The following GOLIM4 variants were observed in gnomAD, a reference collection of about 807,000 sequenced individuals.
The protein encoded by GOLIM4 is golgi integral membrane protein 4, also known as 130 kDa golgi-localized phosphoprotein.
A neutral mutation model predicts 107.4 loss-of-function variants in GOLIM4; 71 were observed. The observed-to-expected ratio is 0.66, with a 90% CI of 0.55 to 0.81. GOLIM4 has a LOEUF of 0.81. Ranked by LOEUF, GOLIM4 falls within the 30% of genes least tolerant of loss-of-function variation. The pLI, the probability that GOLIM4 is intolerant of heterozygous loss-of-function variation, is 0.00. For synonymous variants in GOLIM4, 327 were observed against 294.8 expected, an observed-to-expected ratio of 1.11 and a Z score of -1.12; for missense variants, 830 against 826.1, an observed-to-expected ratio of 1.00 and a Z score of -0.06.
intron 1 of GOLIM4, among the ~76,000 whole-genome samples, chr3:168,067,257 G>C (rs1407399583): frequency 6.6e-6 from 1 of 151,850 alleles, no homozygotes; most frequent in Admixed American, 6.6e-5. Flanking sequence ...CTTACAACTA[G>C]TCCATCTCTT....
At chr3:168,091,131 C>T (rs1159527292) in intron 1 of GOLIM4, among the ~76,000 whole-genome samples, 1 of 152,106 alleles carries the variant, frequency 6.6e-6, no homozygotes, top group Non-Finnish European at 1.5e-5. Flanking sequence ...GTGAGAAATC[C>T]ACACTTGTAA....
chr3:168,025,175 G>A, intron 12 of GOLIM4, 80 bp from the exon 13 acceptor site: 1 of 1,126,382 alleles, frequency 8.9e-7, no homozygotes, highest in Middle Eastern at 2.0e-4. Context: ...GCTGCCCACT[G>A]GCAGAAAATG....
chr3:168,080,145 G>GA (rs1246522928), intron 1 of GOLIM4, among the ~76,000 whole-genome samples: 5 of 151,852 alleles, frequency 3.3e-5, no homozygotes, highest in African/African-American at 4.8e-5. Context: ...TAATAATGGA[G>GA]AAAAAAAATA....
At chr3:168,071,985 C>G (rs1402800736) in intron 1 of GOLIM4, among the ~76,000 whole-genome samples, 1 of 152,040 alleles carries the variant, frequency 6.6e-6, no homozygotes, top group East Asian at 1.9e-4. Context: ...GGCGTCAAAT[C>G]TCGGAAGGAT....
At chr3:168,076,688 C>CTCAATCAA (rs138139668) in intron 1 of GOLIM4, among the ~76,000 whole-genome samples, 5 of 152,212 alleles carry the variant, frequency 3.3e-5, no homozygotes, top group Non-Finnish European at 7.4e-5. Context: ...GAGACTCCAT[C>CTCAATCAA]TCAATCAATC....
At chr3:168,084,014 G>A (rs934921543) in intron 1 of GOLIM4, among the ~76,000 whole-genome samples, 1 of 152,168 alleles carries the variant, frequency 6.6e-6, no homozygotes, top group Non-Finnish European at 1.5e-5. Context: ...ATCTCTTGCT[G>A]ATATGGTTTG....
chr3:168,047,264 A>G (rs1043643536), intron 2 of GOLIM4, among the ~76,000 whole-genome samples: 1 of 152,226 alleles, frequency 6.6e-6, no homozygotes, highest in Non-Finnish European at 1.5e-5. Flanking sequence ...TGCTTTTAGA[A>G]TATCTCTGAT....
intron 14 of GOLIM4, among the ~76,000 whole-genome samples, chr3:168,023,453 T>C (rs908103174): frequency 3.9e-5 from 6 of 152,216 alleles, no homozygotes; most frequent in Non-Finnish European, 7.3e-5. Context: ...TAAGCACAAA[T>C]TTTATCATCA....
intron 1 of GOLIM4, among the ~76,000 whole-genome samples, chr3:168,084,290 G>C (rs1721513636): frequency 6.6e-6 from 1 of 152,166 alleles, no homozygotes; most frequent in South Asian, 2.1e-4. Flanking sequence ...CTGTGGAATT[G>C]TGAGTCAACT....
At chr3:168,060,745 T>A (rs1157431213) in intron 1 of GOLIM4, among the ~76,000 whole-genome samples, 1 of 152,232 alleles carries the variant, frequency 6.6e-6, no homozygotes, top group Non-Finnish European at 1.5e-5. Context: ...TCAAATCTAC[T>A]GAATCCGAAT....
At chr3:168,021,776 A>G (rs1369830956) in intron 14 of GOLIM4, among the ~76,000 whole-genome samples, 1 of 152,216 alleles carries the variant, frequency 6.6e-6, no homozygotes, top group Admixed American at 6.5e-5. Context: ...AAGGTGAACA[A>G]ATGCCTTGTA....
intron 1 of GOLIM4, among the ~76,000 whole-genome samples, chr3:168,056,608 C>A (rs897880854): frequency 6.6e-6 from 1 of 152,216 alleles, no homozygotes; most frequent in Non-Finnish European, 1.5e-5. Flanking sequence ...CATGTGAACC[C>A]ACCTCTTGCA....
chr3:168,043,146 C>T (rs769310321), intron 5 of GOLIM4, among the ~76,000 whole-genome samples: 12 of 152,146 alleles, frequency 7.9e-5, no homozygotes, highest in Non-Finnish European at 1.5e-4. Context: ...CACTGAGATA[C>T]AAGAGAATAC....
At chr3:168,060,308 A>C (rs1417713687) in intron 1 of GOLIM4, among the ~76,000 whole-genome samples, 1 of 152,172 alleles carries the variant, frequency 6.6e-6, no homozygotes, top group Admixed American at 6.5e-5. Flanking sequence ...TACAAGATGC[A>C]AGCAGGGAAA....
intron 1 of GOLIM4, among the ~76,000 whole-genome samples, chr3:168,061,702 C>A (rs571430235): frequency 6.6e-6 from 1 of 152,166 alleles, no homozygotes; most frequent in Non-Finnish European, 1.5e-5. Flanking sequence ...GTGGTACTTA[C>A]TGAATGATTA....
At chr3:168,078,332 T>TA (rs532017725) in intron 1 of GOLIM4, among the ~76,000 whole-genome samples, 1 of 152,306 alleles carries the variant, frequency 6.6e-6, no homozygotes, top group East Asian at 1.9e-4. Flanking sequence ...GTAATAAAAG[T>TA]AAAATCAATT....
Position 168,048,295 on chromosome 3 carries a change from C to G in GOLIM4, c.258G>C (p.Lys86Asn). The stretch of plus-strand genomic sequence containing the variant: ...ACAAATTATGTATTTACTTACCTTC[C>G]TTTGCTTTTTTATGTTCAAGTCTTT... The part of the protein sequence containing the change: ...QKERLEHKKA[K>N]EDFLVYKLEA... Residue 86 changes from lysine (K) to asparagine (N), a missense_variant, in exon 2 of 16, where the codon AAG (lysine) becomes AAC (asparagine). Coordinates refer to ENST00000470487, the MANE Select transcript of GOLIM4 (RefSeq NM_014498.5). The G allele has an allele frequency of 6.9e-7, 1 of 1,446,878 alleles. No homozygotes were observed. Among genetic ancestry groups the G allele is most frequent in the Non-Finnish European group, 9.6e-7 (1 of 1,039,552 alleles). 89.6% of individuals were successfully genotyped at this position (1,446,878 alleles called of 1,614,324 possible).
At chr3:168,085,515 G>A (rs1027796966) in intron 1 of GOLIM4, among the ~76,000 whole-genome samples, 4 of 152,194 alleles carry the variant, frequency 2.6e-5, no homozygotes, top group Non-Finnish European at 4.4e-5. Flanking sequence ...AACTTTTTGA[G>A]AAGATTGTAT....
intron 1 of GOLIM4, among the ~76,000 whole-genome samples, chr3:168,070,865 C>T (rs1218444266): frequency 6.6e-6 from 1 of 152,156 alleles, no homozygotes; most frequent in Non-Finnish European, 1.5e-5. Flanking sequence ...GTGAGTTCCT[C>T]AACTTCTATA....
Sources: allele counts gnomAD v4.1 joint callset (sites outside exome capture counted in the v4.1 genomes callset), GRCh38; gene constraint gnomAD v4.1.1; transcripts MANE v1.5; gene names NCBI Gene and HGNC (gene_info 2026-07-23, HGNC 2026-07-21).